PIP4P2: variants seen among roughly 807,000 people sequenced by gnomAD.
The protein encoded by PIP4P2 is phosphatidylinositol-4,5-bisphosphate 4-phosphatase 2.
In PIP4P2, 19 loss-of-function variants were observed where a neutral mutation model predicts 33.3. That is an observed-to-expected ratio of 0.57 (90% CI 0.40 to 0.84). PIP4P2 has a LOEUF of 0.84. Among genes scored for constraint, PIP4P2 ranks in the 40% least tolerant of loss-of-function variants. PIP4P2 has a pLI of 0.00. For missense variants in PIP4P2, 270 were observed against 324.7 expected (o/e 0.83, Z 1.29); for synonymous variants, 110 against 111.9 (o/e 0.98, Z 0.11).
chr8:90,996,906 T>G (rs1811636319), intron 5 of PIP4P2, among the ~76,000 whole-genome samples, 162 bp from the exon 6 acceptor site: 1 of 152,178 alleles, frequency 6.6e-6, no homozygotes, highest in Non-Finnish European at 1.5e-5. Flanking sequence ...TCATTTTTAA[T>G]GGGTGACAAA....
intron 4 of PIP4P2, among the ~76,000 whole-genome samples, chr8:91,016,014 T>C (rs1030708710): frequency 6.6e-6 from 1 of 152,240 alleles, no homozygotes. Flanking sequence ...ATTTCTTTAT[T>C]ACAGCTAGCA....
At chr8:91,006,006 G>C (rs1371652197) in intron 5 of PIP4P2, among the ~76,000 whole-genome samples, 1 of 152,102 alleles carries the variant, frequency 6.6e-6, no homozygotes, top group East Asian at 1.9e-4. Flanking sequence ...GAGCTCTAGG[G>C]GAAGCTTTCC....
chr8:91,030,635 C>T (rs1355654570), intron 1 of PIP4P2, among the ~76,000 whole-genome samples: 1 of 152,128 alleles, frequency 6.6e-6, no homozygotes, highest in African/African-American at 2.4e-5. Context: ...CCCTTATGCC[C>T]ATTCGCCAAG....
At chr8:91,003,126 G>A (rs796680066) in intron 5 of PIP4P2, among the ~76,000 whole-genome samples, 34 of 152,146 alleles carry the variant, frequency 2.2e-4, no homozygotes, top group African/African-American at 6.5e-4. Context: ...GTACCTCTTC[G>A]GGTTGTGCAG....
At chr8:91,006,220 G>A (rs1365797710) in intron 5 of PIP4P2, among the ~76,000 whole-genome samples, 1 of 152,174 alleles carries the variant, frequency 6.6e-6, no homozygotes, top group African/African-American at 2.4e-5. Flanking sequence ...TACCAGCTAG[G>A]AGTGTTCATG....
intron 1 of PIP4P2, among the ~76,000 whole-genome samples, chr8:91,032,507 G>A (rs1221351996): frequency 1.3e-5 from 2 of 152,026 alleles, no homozygotes; most frequent in African/African-American, 2.4e-5. Flanking sequence ...CAGGCCAGGC[G>A]CGGTGGCTCA....
intron 4 of PIP4P2, among the ~76,000 whole-genome samples, chr8:91,010,030 C>T (rs1018100806): frequency 6.6e-5 from 10 of 151,812 alleles, no homozygotes; most frequent in Non-Finnish European, 1.3e-4. Flanking sequence ...GTGAATATTT[C>T]TCTCATTAAT....
chr8:91,031,038 T>C (rs2130379601), intron 1 of PIP4P2, among the ~76,000 whole-genome samples: 1 of 152,324 alleles, frequency 6.6e-6, no homozygotes, highest in African/African-American at 2.4e-5. Flanking sequence ...CTTTTGAAGC[T>C]GGGTCATAAA....
chr8:91,026,154 TG>T (rs1416444403), intron 1 of PIP4P2, among the ~76,000 whole-genome samples: 4 of 152,098 alleles, frequency 2.6e-5, no homozygotes, highest in Non-Finnish European at 5.9e-5. Flanking sequence ...TAATAGGAGG[TG>T]ATATTGGGAG....
chr8:91,040,810 T>C lies in PIP4P2; in HGVS notation c.-61A>G. ...CGGGGTTGCGGCCTCGGCGGAGTGG[T>C]GGCTACTGCTGCTGCCTCTGCTGCC... On this transcript the variant is annotated 5_prime_UTR_variant, in exon 1 of 7. Coordinates refer to ENST00000285419, the MANE Select transcript of PIP4P2 (RefSeq NM_018710.3). The C allele has an allele frequency of 6.9e-7, 1 of 1,447,464 alleles. No individual in the cohort carries two copies. Among genetic ancestry groups the C allele is most frequent in the Non-Finnish European group, 9.5e-7 (1 of 1,053,334 alleles). 89.7% of individuals were successfully genotyped at this position (1,447,464 alleles called of 1,614,324 possible).
At position 91,029,771 on chromosome 8, in the gene PIP4P2, C is replaced by A. The variant is rs924722115; in HGVS notation, c.107-8367G>T. On this transcript the variant is annotated intron_variant, in intron 1 of 6. Coordinates refer to ENST00000285419, the MANE Select transcript of PIP4P2 (RefSeq NM_018710.3). ...AGATCACGAGGTCAGGAGATCGAGA[C>A]CATCCTGGCTAACACGGTGAAATCC... is the stretch of plus-strand genomic sequence containing the variant. Among the ~76,000 whole-genome samples, 20 of 152,170 alleles carry A rather than the reference C, an allele frequency of 1.3e-4. No homozygotes were observed. In the Middle Eastern group the frequency reaches 0.01, roughly 78 times the overall value.
At chr8:91,029,207 C>G (rs759161011) in intron 1 of PIP4P2, among the ~76,000 whole-genome samples, 1 of 152,064 alleles carries the variant, frequency 6.6e-6, no homozygotes, top group Non-Finnish European at 1.5e-5. Flanking sequence ...AGGAGAATCA[C>G]TTGAACCCCG....
At chr8:91,031,051 A>T (rs1203507651) in intron 1 of PIP4P2, among the ~76,000 whole-genome samples, 1 of 152,192 alleles carries the variant, frequency 6.6e-6, no homozygotes, top group Non-Finnish European at 1.5e-5. Flanking sequence ...GTCATAAAAG[A>T]CCACATGGCT....
intron 5 of PIP4P2, among the ~76,000 whole-genome samples, chr8:91,004,702 G>A (rs1213808387): frequency 1.3e-5 from 2 of 152,176 alleles, no homozygotes; most frequent in Admixed American, 1.3e-4. Flanking sequence ...GGAAAGAAGA[G>A]ACATGCATCC....
rs115341012 is a variant in PIP4P2 at position 90,999,386 on chromosome 8, T to C, written c.540-2642A>G. On this transcript the variant is annotated intron_variant, in intron 5 of 6. Transcript: ENST00000285419. ...TTAAAGGTAAATGTACAGCCTAGGG[T>C]TGGTAGTCAGCTGTACTCCCTGATT... Among the ~76,000 whole-genome samples the C allele has an allele frequency of 1.7e-3, 260 of 152,214 alleles. 1 individual carries two copies. Among genetic ancestry groups the C allele is most frequent in the African/African-American group, 6.1e-3 (253 of 41,560 alleles).
chr8:91,001,506 T>C (rs1586174341), intron 5 of PIP4P2, among the ~76,000 whole-genome samples: 1 of 146,934 alleles, frequency 6.8e-6, no homozygotes, highest in Admixed American at 6.8e-5. Flanking sequence ...TATGGCTAAG[T>C]TTTTTTTTTT....
At chr8:91,040,418 T>TCACCATCAC (rs139914574) in intron 1 of PIP4P2, among the ~76,000 whole-genome samples, 4 of 131,498 alleles carry the variant, frequency 3.0e-5, no homozygotes, top group Non-Finnish European at 6.3e-5. Context: ...ACCACCACCA[T>TCACCATCAC]CACCACCACC....
At chr8:91,027,258 C>T (rs1586184624) in intron 1 of PIP4P2, among the ~76,000 whole-genome samples, 1 of 152,194 alleles carries the variant, frequency 6.6e-6, no homozygotes, top group African/African-American at 2.4e-5. Context: ...TGGAATGAGA[C>T]CAACTGATTG....
chr8:91,008,454 C>T (rs1172050114), intron 5 of PIP4P2, among the ~76,000 whole-genome samples: 1 of 152,098 alleles, frequency 6.6e-6, no homozygotes, highest in Non-Finnish European at 1.5e-5. Flanking sequence ...TTATTTGTAA[C>T]AGATTATAAT....
Sources: gnomAD v4.1 joint callset for allele counts (sites outside exome capture counted in the v4.1 genomes callset) on GRCh38, gnomAD v4.1.1 for gene constraint, MANE v1.5 for transcripts, NCBI Gene and HGNC (gene_info 2026-07-23, HGNC 2026-07-21) for gene names.